The following SPTBN1 variants were observed in gnomAD, a reference collection of about 807,000 sequenced individuals.
SPTBN1 encodes the protein spectrin beta, non-erythrocytic 1.
In SPTBN1, 32 loss-of-function variants were observed where a neutral mutation model predicts 266.4. The ratio of observed to expected loss-of-function variants is 0.12; its 90% CI spans 0.09 to 0.16. The LOEUF is 0.16. Ranked by LOEUF, SPTBN1 falls within the 10% of genes least tolerant of loss-of-function variation. The pLI is 1.00. For missense variants in SPTBN1, 2,296 were observed against 3,067.1 expected (o/e 0.75, Z 5.94); for synonymous variants, 1,336 against 1,162.2 (o/e 1.15, Z -3.04).
In SPTBN1 at chr2:54,540,428, C is replaced by T. The variant is rs1427386513; in HGVS notation, c.148+13862C>T. On this transcript the variant is annotated intron_variant, in intron 2 of 35. Coordinates refer to ENST00000356805, the MANE Select transcript of SPTBN1 (RefSeq NM_003128.3). The surrounding 1 kb of genome is among the most constrained non-coding windows in gnomAD (Gnocchi z 5.6). ...AGAAGCCATTACACAGTGACTCACA[C>T]GTCCTTTACTGTGGATTTGGCCCCT... Among the ~76,000 whole-genome samples the T allele has an allele frequency of 6.6e-6, 1 of 152,316 alleles. No homozygotes were observed. Among genetic ancestry groups the T allele is most frequent in the African/African-American group, 2.4e-5 (1 of 41,558 alleles).
intron 12 of SPTBN1, among the ~76,000 whole-genome samples, chr2:54,627,072 C>T (rs1275674605): frequency 6.6e-6 from 1 of 150,428 alleles, no homozygotes; most frequent in Non-Finnish European, 1.5e-5. Flanking sequence ...ACGCTGTGTT[C>T]CCAAGCTTGA....
intron 3 of SPTBN1, among the ~76,000 whole-genome samples, chr2:54,600,977 G>T (rs931500315): frequency 6.6e-6 from 1 of 151,964 alleles, no homozygotes; most frequent in African/African-American, 2.4e-5. Context: ...GCCCATTGCC[G>T]TTTTTTCTGA....
chr2:54,644,387 G>A lies in SPTBN1; in HGVS notation c.4070G>A (p.Gly1357Asp), dbSNP rs781693116. The A allele has an allele frequency of 3.7e-6, 6 of 1,614,214 alleles. 1 individual carries two copies. The South Asian group carries it at 5.5e-5, about 15-fold the overall frequency. ...TEAVVKEKLT[G>D]LHKMWEVLES... ...GCTGTGGTGAAGGAGAAACTCACTG[G>A]TTTACATAAAATGTGGGAAGTCCTT... The change falls in exon 20 of 36, where the codon GGT (glycine) becomes GAT (aspartate). Residue 1357 changes from glycine to aspartate, a missense_variant. Transcript: ENST00000356805.
At chr2:54,521,812 C>G (rs1193824541) in intron 1 of SPTBN1, among the ~76,000 whole-genome samples, 1 of 152,200 alleles carries the variant, frequency 6.6e-6, no homozygotes, top group East Asian at 1.9e-4. Flanking sequence ...GTGTGAGCCA[C>G]TGTGCTTGGC....
chr2:54,653,664 A>G lies in SPTBN1; in HGVS notation c.5633A>G (p.Lys1878Arg). ...CTCCAGGCGGCCTATGCGGGTGACAAGGCCGACGATATCCAGAAGCGCGAG... is the reference window on the plus strand; with the variant it reads ...CTCCAGGCGGCCTATGCGGGTGACAGGGCCGACGATATCCAGAAGCGCGAG... Reference protein sequence around the residue: ...ARLQAAYAGDKADDIQKRENE... With the variant: ...ARLQAAYAGDRADDIQKRENE... The change falls in exon 27 of 36, where the codon AAG becomes AGG. Residue 1878 changes from lysine (K) to arginine (R), a missense_variant. Around this residue, in one of 12 missense-constraint regions of SPTBN1, gnomAD observed 644 missense variants for 745.3 expected, o/e 0.86. Coordinates refer to ENST00000356805, the MANE Select transcript of SPTBN1 (RefSeq NM_003128.3). This position sits in a 1 kb window ranked among gnomAD's most constrained non-coding sequence, Gnocchi z 5.1. 1.2e-6 allele frequency: 2 copies of G among 1,614,152 alleles called. No homozygotes were observed. The highest frequency in any genetic ancestry group is 1.7e-6 in the Non-Finnish European group (2 of 1,180,018).
Position 54,558,620 on chromosome 2 carries a change from C to G in SPTBN1, c.148+32054C>G. On this transcript the variant is annotated intron_variant, in intron 2 of 35. Coordinates refer to ENST00000356805, the MANE Select transcript of SPTBN1 (RefSeq NM_003128.3). This position sits in a 1 kb window ranked among gnomAD's most constrained non-coding sequence, Gnocchi z 4.6. Reference sequence around the variant, plus strand: ...GGAGCTAAGGTGGACTCTCTTGCAGCCAACTTCCCATCAGATCACCCTGCT... The same window carrying G: ...GGAGCTAAGGTGGACTCTCTTGCAGGCAACTTCCCATCAGATCACCCTGCT... The G allele has an allele frequency of 6.9e-7, 1 of 1,444,764 alleles. No individual in the cohort carries two copies. Among genetic ancestry groups the G allele is most frequent in the Non-Finnish European group, 9.1e-7 (1 of 1,097,644 alleles). The allele number at this position is 1,444,764 out of a possible 1,614,324, so 89.5% of individuals were successfully genotyped here.
chr2:54,605,397 C>G (rs1352876151), intron 3 of SPTBN1, among the ~76,000 whole-genome samples: 1 of 152,188 alleles, frequency 6.6e-6, no homozygotes. Context: ...CTTCATCTCT[C>G]TGAGCCACTG....
intron 1 of SPTBN1, among the ~76,000 whole-genome samples, chr2:54,457,012 C>T (rs1241273727): frequency 6.6e-6 from 1 of 151,682 alleles, no homozygotes; most frequent in Non-Finnish European, 1.5e-5. Flanking sequence ...GCGGCGGTGA[C>T]AGGGCCGGGC....
intron 5 of SPTBN1, among the ~76,000 whole-genome samples, chr2:54,617,358 C>T (rs949680709): frequency 7.9e-5 from 12 of 152,172 alleles, no homozygotes; most frequent in Non-Finnish European, 1.5e-4. Context: ...TTTAAATCTA[C>T]GACACAGTTC....
intron 1 of SPTBN1, among the ~76,000 whole-genome samples, chr2:54,471,649 T>C (rs1693924686): frequency 6.6e-6 from 1 of 152,130 alleles, no homozygotes; most frequent in Non-Finnish European, 1.5e-5. Context: ...TGCCAAGAGG[T>C]TGGGAGCAAG....
chr2:54,501,381 A>G (rs767632710), intron 1 of SPTBN1, among the ~76,000 whole-genome samples: 7 of 152,152 alleles, frequency 4.6e-5, no homozygotes, highest in Non-Finnish European at 1.0e-4. Flanking sequence ...CAGTTGCTAT[A>G]TATTACAAAG....
At chr2:54,484,267 T>C (rs1668237779) in intron 1 of SPTBN1, among the ~76,000 whole-genome samples, 2 of 152,306 alleles carry the variant, frequency 1.3e-5, no homozygotes, top group South Asian at 2.1e-4. Context: ...AAATAAATTA[T>C]CGGGGCCCTC....
intron 2 of SPTBN1, among the ~76,000 whole-genome samples, chr2:54,579,520 A>T (rs940081340): frequency 1.3e-5 from 2 of 152,226 alleles, no homozygotes; most frequent in East Asian, 3.8e-4. Context: ...CGCACGTGCT[A>T]TATAGCTCTC....
chr2:54,541,698 C>T (rs1389010256), intron 2 of SPTBN1, among the ~76,000 whole-genome samples: 1 of 152,120 alleles, frequency 6.6e-6, no homozygotes, highest in Non-Finnish European at 1.5e-5. Flanking sequence ...CTTCAGAGTA[C>T]TCATGGAGAT....
chr2:54,608,683 T>TGTGTGTGCATGCGCGCACGA, intron 3 of SPTBN1, among the ~76,000 whole-genome samples: 1 of 151,674 alleles, frequency 6.6e-6, no homozygotes, highest in South Asian at 2.1e-4. Flanking sequence ...TTTGTGTGCG[T>TGTGTGTGCATGCGCGCACGA]GTGTGTGCAT....
At chr2:54,635,019 A>G (rs767333051) in intron 17 of SPTBN1, among the ~76,000 whole-genome samples, 11 of 152,222 alleles carry the variant, frequency 7.2e-5, no homozygotes, top group Non-Finnish European at 1.0e-4. Flanking sequence ...CACACCGGAA[A>G]ACAGGCTCAG....
intron 1 of SPTBN1, among the ~76,000 whole-genome samples, chr2:54,469,782 T>C (rs1404426375): frequency 2.0e-5 from 3 of 152,224 alleles, no homozygotes; most frequent in Non-Finnish European, 4.4e-5. Flanking sequence ...GTCAGAGATA[T>C]CAGTCAGGTG....
intron 3 of SPTBN1, among the ~76,000 whole-genome samples, chr2:54,608,745 G>A (rs1207405906): frequency 6.6e-6 from 1 of 151,860 alleles, no homozygotes; most frequent in African/African-American, 2.4e-5. Context: ...GAACAAAGCA[G>A]GGGGTTTAGG....
intron 1 of SPTBN1, among the ~76,000 whole-genome samples, chr2:54,476,689 C>G (rs1326757033): frequency 1.3e-5 from 2 of 152,182 alleles, no homozygotes; most frequent in African/African-American, 2.4e-5. Flanking sequence ...ATTTGTCTAA[C>G]TTGTTCTCAT....
Sources: allele counts gnomAD v4.1 joint callset (sites outside exome capture counted in the v4.1 genomes callset), GRCh38; gene constraint gnomAD v4.1.1; regional missense constraint gnomAD v4.1.1; non-coding constraint Gnocchi (gnomAD v3.1); transcripts MANE v1.5; gene names NCBI Gene and HGNC (gene_info 2026-07-23, HGNC 2026-07-21).